ARRB1: variants seen among roughly 807,000 people sequenced by gnomAD.
ARRB1 encodes beta-arrestin-1.
A neutral mutation model predicts 56.8 loss-of-function variants in ARRB1; 21 were observed. The observed-to-expected ratio is 0.37, with a 90% CI of 0.26 to 0.53. ARRB1 has a LOEUF of 0.53. Ranked by LOEUF, ARRB1 falls within the 20% of genes least tolerant of loss-of-function variation. The pLI is 0.88. For synonymous variants in ARRB1, 210 were observed against 218.6 expected, an observed-to-expected ratio of 0.96 and a Z score of 0.35; for missense variants, 424 against 553.7, an observed-to-expected ratio of 0.77 and a Z score of 2.35.
intron 1 of ARRB1, among the ~76,000 whole-genome samples, chr11:75,344,112 G>A: frequency 6.6e-6 from 1 of 152,172 alleles, no homozygotes; most frequent in Non-Finnish European, 1.5e-5. Flanking sequence ...CCACTGCCCT[G>A]GACCTGCTAC....
Position 75,351,631 on chromosome 11 carries a change from T to C in ARRB1, c.-24A>G. ...ATGGTCCGCGACGGTCGCAGGGAGG[T>C]CCGCGGCGTCAGCGCCCAGGCTGGA... On this transcript the variant is annotated 5_prime_UTR_variant, in exon 1 of 16. Transcript: ENST00000420843. 1 of 1,378,812 alleles carries C rather than the reference T, an allele frequency of 7.3e-7. No homozygotes were observed. The highest frequency in any genetic ancestry group is 9.4e-7 in the Non-Finnish European group (1 of 1,063,122). 85.4% of individuals were successfully genotyped at this position (1,378,812 alleles called of 1,614,324 possible).
At chr11:75,269,060 C>T (rs1292634218) in intron 13 of ARRB1, 101 bp from the exon 14 acceptor site, 15 of 1,325,142 alleles carry the variant, frequency 1.1e-5, no homozygotes, top group South Asian at 1.1e-4. Context: ...AGGGTTTTGC[C>T]GTCAGAGGAG....
chr11:75,330,856 T>C (rs1352112167), intron 1 of ARRB1, among the ~76,000 whole-genome samples: 2 of 152,228 alleles, frequency 1.3e-5, no homozygotes, highest in African/African-American at 4.8e-5. Context: ...AGAAGGCAGC[T>C]GGGCTGAAAG....
In ARRB1 at chr11:75,281,950, G is replaced by A. The variant is rs1946352653; in HGVS notation, c.414+12C>T. 1 of 1,613,648 alleles carries A rather than the reference G, an allele frequency of 6.2e-7. No individual in the cohort carries two copies. The highest frequency in any genetic ancestry group is 8.5e-7 in the Non-Finnish European group (1 of 1,179,572). On this transcript the variant is annotated intron_variant, in intron 6 of 15. Coordinates refer to ENST00000420843, the MANE Select transcript of ARRB1 (RefSeq NM_004041.5). ...CTGGAGCCAGAGAGATGGTCCCCTT[G>A]GGGTGACCTACCTTCCCCGTGTCTT...
rs778131178 is a variant in ARRB1 at position 75,267,634 on chromosome 11, AG to A, written c.1145+17del. ...CCGCGGCCCACCCCCGGATGTCTGC[AG>A]GCAGGGTTCAGCTTACTTTGTGTCA... On this transcript the variant is annotated intron_variant, in intron 15 of 15. Transcript: ENST00000420843. The A allele has an allele frequency of 9.3e-5, 128 of 1,377,118 alleles. No homozygotes were observed. The highest frequency in any genetic ancestry group is 2.0e-5 in the Non-Finnish European group (20 of 1,021,608). 85.3% of individuals were successfully genotyped at this position (1,377,118 alleles called of 1,614,324 possible).
intron 2 of ARRB1, among the ~76,000 whole-genome samples, chr11:75,289,805 T>C (rs1239199977): frequency 1.3e-5 from 2 of 152,200 alleles, no homozygotes; most frequent in Non-Finnish European, 2.9e-5. Flanking sequence ...TTCCCCACTC[T>C]GAAAGTTTCC....
intron 12 of ARRB1, chr11:75,272,663 GAA>G: frequency 1.8e-6 from 1 of 541,546 alleles, no homozygotes; most frequent in South Asian, 2.1e-5. Flanking sequence ...AGGAGAGAGA[GAA>G]AGAGATGGGT....
intron 15 of ARRB1, among the ~76,000 whole-genome samples, chr11:75,267,303 C>A (rs1187369445): frequency 2.6e-5 from 4 of 152,154 alleles, no homozygotes; most frequent in Non-Finnish European, 5.9e-5. Context: ...CAGCCTGATT[C>A]CACTGGTTGG....
In ARRB1 at chr11:75,271,716, C is replaced by T; in HGVS notation, c.1007G>A (p.Gly336Glu). ...AGGAATTTACCTGGATGCAAGATCTCCCAACAGGCTGGGTGGGTCAGAGGA... is the reference window on the plus strand; with the variant it reads ...AGGAATTTACCTGGATGCAAGATCTTCCAACAGGCTGGGTGGGTCAGAGGA... The part of the protein sequence containing the change: ...KLVVSRGGLL[G>E]DLASSDVAVE... The change falls in exon 13 of 16, where the codon GGA (glycine) becomes GAA (glutamate). Residue 336 changes from glycine to glutamate, a missense_variant. Gly to Glu is a moderately conservative substitution (Grantham distance 98, BLOSUM62 -2). This residue lies in a region of ARRB1 where 121 missense variants were observed against 147.3 expected (regional missense o/e 0.82). Transcript: ENST00000420843. 1 of 1,572,476 alleles carries T rather than the reference C, an allele frequency of 6.4e-7. No individual in the cohort carries two copies. Among genetic ancestry groups the T allele is most frequent in the Non-Finnish European group, 8.6e-7 (1 of 1,158,492 alleles).
chr11:75,270,993 G>C (rs149439162), intron 13 of ARRB1: 1 of 151,780 alleles, frequency 6.6e-6, no homozygotes, highest in Non-Finnish European at 1.5e-5. Context: ...CAACATTTTA[G>C]TGGAAGAATC....
At chr11:75,268,847 G>A (rs1946004244) in intron 14 of ARRB1, 42 bp downstream of exon 14, 2 of 1,594,992 alleles carry the variant, frequency 1.3e-6, no homozygotes, top group Admixed American at 1.8e-5. Flanking sequence ...CGTGGCAGCT[G>A]CTAGAGAACC....
At chr11:75,298,982 T>C (rs908679348) in intron 1 of ARRB1, among the ~76,000 whole-genome samples, 1 of 151,706 alleles carries the variant, frequency 6.6e-6, no homozygotes, top group Non-Finnish European at 1.5e-5. Flanking sequence ...GAAGGCTGCA[T>C]ATTATATGAT....
rs1565136675 is a variant in ARRB1, at chr11:75,316,806, G to A, written c.21-26767C>T. ...TAATAGGCCAGGTGCAGTGGCTCAC[G>A]CCTGTAATCCCAGCACTTTGGGAGG... On this transcript the variant is annotated intron_variant, in intron 1 of 15. Transcript: ENST00000420843. Among the ~76,000 whole-genome samples the A allele has an allele frequency of 2.6e-5, 4 of 151,980 alleles. No homozygotes were observed. In the South Asian group the frequency reaches 8.3e-4, roughly 32 times the overall value.
chr11:75,287,199 A>T (rs1946499942), intron 3 of ARRB1, 116 bp downstream of exon 3: 1 of 1,039,892 alleles, frequency 9.6e-7, no homozygotes, highest in African/African-American at 1.6e-5. Context: ...CTGAAGCAGG[A>T]AGCCATTCAC....
At chr11:75,343,468 C>T (rs78423055) in intron 1 of ARRB1, among the ~76,000 whole-genome samples, 1 of 152,144 alleles carries the variant, frequency 6.6e-6, no homozygotes, top group Admixed American at 6.6e-5. Context: ...GCCGGTGAGA[C>T]GTCATATAAG....
intron 1 of ARRB1, among the ~76,000 whole-genome samples, chr11:75,333,492 G>T (rs1947551667): frequency 6.6e-6 from 1 of 152,206 alleles, no homozygotes; most frequent in Admixed American, 6.5e-5. Flanking sequence ...CCCAACTGGG[G>T]GCACAGACAA....
chr11:75,327,865 G>A (rs765742678), intron 1 of ARRB1, among the ~76,000 whole-genome samples: 2 of 152,198 alleles, frequency 1.3e-5, no homozygotes, highest in Non-Finnish European at 2.9e-5. Flanking sequence ...GGGATTACAA[G>A]CATGAGCCAT....
chr11:75,295,821 G>T lies in ARRB1; in HGVS notation c.21-5782C>A, dbSNP rs1946729186. ...ACAGATGTGTAGCATAAGGGAGAAT[G>T]AAAGCTCTTGAGCCACTAAGATTTG... On this transcript the variant is annotated intron_variant, in intron 1 of 15. Coordinates refer to ENST00000420843, the MANE Select transcript of ARRB1 (RefSeq NM_004041.5). 4.6e-5 allele frequency among the ~76,000 whole-genome samples: 7 copies of T among 152,320 alleles called. No individual in the cohort carries two copies. In the South Asian group the frequency reaches 1.4e-3, roughly 32 times the overall value.
chr11:75,332,252 C>T (rs1240189118), intron 1 of ARRB1, among the ~76,000 whole-genome samples: 7 of 152,098 alleles, frequency 4.6e-5, no homozygotes, highest in African/African-American at 1.4e-4. Flanking sequence ...GTGACAATTG[C>T]GAGATAAGGA....
Sources: gnomAD v4.1 joint callset for allele counts (sites outside exome capture counted in the v4.1 genomes callset) on GRCh38, gnomAD v4.1.1 for gene constraint, gnomAD v4.1.1 regional missense constraint, MANE v1.5 for transcripts, NCBI Gene and HGNC (gene_info 2026-07-23, HGNC 2026-07-21) for gene names.